The following HNRNPDL variants were observed in gnomAD, a reference collection of about 807,000 sequenced individuals.
The protein encoded by HNRNPDL is heterogeneous nuclear ribonucleoprotein D-like.
A neutral mutation model predicts 48.0 loss-of-function variants in HNRNPDL; 18 were observed. The ratio of observed to expected loss-of-function variants is 0.38; its 90% confidence interval spans 0.26 to 0.56. The LOEUF is 0.56. Ranked by LOEUF, HNRNPDL falls within the 20% of genes least tolerant of loss-of-function variation. HNRNPDL has a pLI of 0.77. For missense variants in HNRNPDL, 553 were observed against 540.7 expected (o/e 1.02, Z -0.23); for synonymous variants, 306 against 207.3 (o/e 1.48, Z -4.09).
chr4:82,429,747 AGAG>A lies in HNRNPDL; in HGVS notation c.-60_-58del. On this transcript the variant is annotated 5_prime_UTR_variant, in exon 1 of 8. Transcript: ENST00000295470. Reference sequence around the variant, plus strand: ...CGTGAGGGGACGCGGGCTTGGGAGAAGAGAAGAATCAGAAGAGAAAAACGAAGG... The same window carrying A: ...CGTGAGGGGACGCGGGCTTGGGAGAAAAGAATCAGAAGAGAAAAACGAAGG... 7.9e-7 allele frequency: 1 copy of A among 1,268,476 alleles called. No individual in the cohort carries two copies. Among genetic ancestry groups the A allele is most frequent in the Non-Finnish European group, 1.0e-6 (1 of 991,398 alleles). The allele number at this position is 1,268,476 out of a possible 1,614,324, so 78.6% of individuals were successfully genotyped here. A position where few individuals can be genotyped will look rare whatever the true frequency, so the allele number is the denominator to read the frequency against.
chr4:82,427,081 G>A (rs201365369), intron 5 of HNRNPDL, 109 bp downstream of exon 5: 76 of 808,744 alleles, frequency 9.4e-5, no homozygotes, highest in East Asian at 5.9e-4. Flanking sequence ...TCCCCCCTCC[G>A]CTGGAATGGT....
In HNRNPDL at chr4:82,429,186, A is replaced by G; in HGVS notation, c.443+62T>C. On this transcript the variant is annotated intron_variant, in intron 1 of 7. Coordinates refer to ENST00000295470, the MANE Select transcript of HNRNPDL (RefSeq NM_031372.4). ...GAATGGGGGCAGCGCGCGGCTCACGAGGAACGAAGGGCGCGTGCGGCGCGC... is the reference window on the plus strand; with the variant it reads ...GAATGGGGGCAGCGCGCGGCTCACGGGGAACGAAGGGCGCGTGCGGCGCGC... 4.7e-6 allele frequency: 7 copies of G among 1,480,092 alleles called. No individual in the cohort carries two copies. In the South Asian group the frequency reaches 6.8e-5, roughly 14 times the overall value. The allele number at this position is 1,480,092 out of a possible 1,614,324, so 91.7% of individuals were successfully genotyped here.
intron 7 of HNRNPDL, chr4:82,425,221 A>C (rs1292490201): frequency 1.3e-5 from 2 of 152,244 alleles, no homozygotes; most frequent in Non-Finnish European, 2.9e-5. Flanking sequence ...TTATTACAAG[A>C]ACATAAATTG....
chr4:82,426,380 TACAC>T, intron 6 of HNRNPDL, 79 bp downstream of exon 6: 1 of 1,262,556 alleles, frequency 7.9e-7, no homozygotes, highest in Non-Finnish European at 1.1e-6. Context: ...GGAAAGCCCA[TACAC>T]ACAATTTCAG....
rs1721337448 is a variant in HNRNPDL, at chr4:82,424,564, A to AATTATTGCTTATTTT, written c.*327_*341dup. 2 of 151,724 alleles carry AATTATTGCTTATTTT rather than the reference A, an allele frequency of 1.3e-5. No individual in the cohort carries two copies. The highest frequency in any genetic ancestry group is 4.1e-4 in the South Asian group (2 of 4,822). 9.4% of individuals were successfully genotyped at this position (151,724 alleles called of 1,614,324 possible). Reference sequence around the variant, plus strand: ...TACTCTACAAAATCAACTGTGCCTTAATTATTGCTTATTTTAAATTACATT... The same window carrying AATTATTGCTTATTTT: ...TACTCTACAAAATCAACTGTGCCTTAATTATTGCTTATTTTATTATTGCTTATTTTAAATTACATT... On this transcript the variant is annotated 3_prime_UTR_variant, in exon 8 of 8. Coordinates refer to ENST00000295470, the MANE Select transcript of HNRNPDL (RefSeq NM_031372.4).
rs544135967 is a variant in HNRNPDL at position 82,424,054 on chromosome 4, G to A, written c.*852C>T. Reference sequence around the variant, plus strand: ...TATTTTGCCACTATTTTAATTTTTCGACCAAACTCATACCTTTCTACCAAA... The same window carrying A: ...TATTTTGCCACTATTTTAATTTTTCAACCAAACTCATACCTTTCTACCAAA... On this transcript the variant is annotated 3_prime_UTR_variant, in exon 8 of 8. Coordinates refer to ENST00000295470, the MANE Select transcript of HNRNPDL (RefSeq NM_031372.4). 1.1e-4 allele frequency: 17 copies of A among 152,090 alleles called. No individual in the cohort carries two copies. The highest frequency in any genetic ancestry group is 2.2e-4 in the African/African-American group (9 of 41,476). The allele number at this position is 152,090 out of a possible 1,614,324, so 9.4% of individuals were successfully genotyped here. A position where few individuals can be genotyped will look rare whatever the true frequency, so the allele number is the denominator to read the frequency against.
In HNRNPDL at chr4:82,427,233, A is replaced by C. The variant is rs1452012617; in HGVS notation, c.978T>G (p.Gly326=). The change falls in exon 5 of 8, where the codon GGT becomes GGG. Residue 326 remains glycine (G), a synonymous_variant. Transcript: ENST00000295470. ...TACCACCTCGTCCACCAGCTGCAGC[A>C]CCTCTTCCACCTTTTTGTTGTTGCT... is the stretch of plus-strand genomic sequence containing the variant. The part of the protein sequence containing the change: ...QQQQQQKGGR[G]AAAGGRGGTR... The C allele has an allele frequency of 1.2e-5, 20 of 1,613,942 alleles. No homozygotes were observed. Among genetic ancestry groups the C allele is most frequent in the Non-Finnish European group, 1.7e-5 (20 of 1,179,926 alleles).
At chr4:82,427,665 C>T in intron 3 of HNRNPDL, 101 bp from the exon 4 acceptor site, 4 of 1,074,416 alleles carry the variant, frequency 3.7e-6, no homozygotes, top group Non-Finnish European at 5.6e-6. Context: ...ACATGTTATT[C>T]TTATCGGGTG....
chr4:82,424,042 TTTTAA>T lies in HNRNPDL; in HGVS notation c.*859_*863del, dbSNP rs980727092. 16 of 152,218 alleles carry T rather than the reference TTTTAA, an allele frequency of 1.1e-4. No homozygotes were observed. The highest frequency in any genetic ancestry group is 2.2e-4 in the Non-Finnish European group (15 of 68,034). The allele number at this position is 152,218 out of a possible 1,614,324, so 9.4% of individuals were successfully genotyped here. ...ACAACTAAATCTTATTTTGCCACTATTTTAATTTTTCGACCAAACTCATACCTTTC... is the reference window on the plus strand; with the variant it reads ...ACAACTAAATCTTATTTTGCCACTATTTTTTCGACCAAACTCATACCTTTC... On this transcript the variant is annotated 3_prime_UTR_variant, in exon 8 of 8. Coordinates refer to ENST00000295470, the MANE Select transcript of HNRNPDL (RefSeq NM_031372.4).
rs1325582656 is a variant in HNRNPDL at position 82,424,168 on chromosome 4, G to C, written c.*738C>G. 2.0e-5 allele frequency: 3 copies of C among 152,130 alleles called. No homozygotes were observed. The South Asian group carries it at 6.2e-4, about 31-fold the overall frequency. 9.4% of individuals were successfully genotyped at this position (152,130 alleles called of 1,614,324 possible). The stretch of plus-strand genomic sequence containing the variant: ...CCTTTTGTATCTGAACTTTTATCAA[G>C]AATTACTCATTGTGTTATGATTACA... On this transcript the variant is annotated 3_prime_UTR_variant, in exon 8 of 8. Coordinates refer to ENST00000295470, the MANE Select transcript of HNRNPDL (RefSeq NM_031372.4).
chr4:82,425,911 G>A (rs1721386966), intron 7 of HNRNPDL, 126 bp downstream of exon 7: 2 of 645,210 alleles, frequency 3.1e-6, no homozygotes, highest in Non-Finnish European at 5.4e-6. Context: ...GGCTCATAAA[G>A]CAATTAAAAA....
Position 82,429,670 on chromosome 4 carries a change from A to C in HNRNPDL, c.21T>G (p.Leu7=). 7.3e-7 allele frequency: 1 copy of C among 1,362,850 alleles called. No homozygotes were observed. Among genetic ancestry groups the C allele is most frequent in the Non-Finnish European group, 9.4e-7 (1 of 1,059,058 alleles). The allele number at this position is 1,362,850 out of a possible 1,614,324, so 84.4% of individuals were successfully genotyped here. A position where few individuals can be genotyped will look rare whatever the true frequency, so the allele number is the denominator to read the frequency against. The part of the protein sequence containing the change: MEVPPR[L]SHVPPPLFPS... ...GGAACAATGGCGGCGGCACATGGGA[A>C]AGCCTGGGCGGGACCTCCATCGCGG... Residue 7 remains leucine, a synonymous_variant, in exon 1 of 8, where the codon CTT becomes CTG. Transcript: ENST00000295470.
rs781241362 is a variant in HNRNPDL at position 82,429,340 on chromosome 4, G to C, written c.351C>G (p.Ser117=). The change falls in exon 1 of 8, where the codon TCC becomes TCG. Residue 117 remains serine, a synonymous_variant. Coordinates refer to ENST00000295470, the MANE Select transcript of HNRNPDL (RefSeq NM_031372.4). ...ACTCGTTCATATCCTCCATAGTGAC[G>C]GAGCTGTCGGCAGGGGGGTGCTGGC... ...TARQHPPADS[S]VTMEDMNEYS... is the part of the protein sequence containing the mutation. 3 of 1,613,858 alleles carry C rather than the reference G, an allele frequency of 1.9e-6. No homozygotes were observed. In the South Asian group the frequency reaches 3.3e-5, roughly 18 times the overall value.
Position 82,427,174 on chromosome 4 carries a change from A to C in HNRNPDL, c.1021+16T>G, listed in dbSNP as rs201947429. 2.5e-4 allele frequency: 373 copies of C among 1,502,862 alleles called. 1 individual carries two copies. The highest frequency in any genetic ancestry group is 1.5e-5 in the Non-Finnish European group (16 of 1,078,816). 93.1% of individuals were successfully genotyped at this position (1,502,862 alleles called of 1,614,324 possible). Reference sequence around the variant, plus strand: ...TAAATAAACCACGGAGTCATATTTCAAGAATTAAGTCTCACCTCGGCCACG... The same window carrying C: ...TAAATAAACCACGGAGTCATATTTCCAGAATTAAGTCTCACCTCGGCCACG... On this transcript the variant is annotated intron_variant, in intron 5 of 7. Coordinates refer to ENST00000295470, the MANE Select transcript of HNRNPDL (RefSeq NM_031372.4).
In HNRNPDL at chr4:82,430,001, C is replaced by G. The variant is rs1721652620; in HGVS notation, c.-311G>C. ...CTGCTCCGGAAAAAGGCGGACTGCGCCCGGCGCTGGCGACTGAGGCGGCGA... is the reference window on the plus strand; with the variant it reads ...CTGCTCCGGAAAAAGGCGGACTGCGGCCGGCGCTGGCGACTGAGGCGGCGA... On this transcript the variant is annotated 5_prime_UTR_variant, in exon 1 of 8. Transcript: ENST00000295470. The G allele has an allele frequency of 4.5e-6, 1 of 220,718 alleles. No individual in the cohort carries two copies. The highest frequency in any genetic ancestry group is 8.8e-6 in the Non-Finnish European group (1 of 113,144). 13.7% of individuals were successfully genotyped at this position (220,718 alleles called of 1,614,324 possible). A position where few individuals can be genotyped will look rare whatever the true frequency, so the allele number is the denominator to read the frequency against.
At chr4:82,427,942 G>A (rs2110029248) in intron 3 of HNRNPDL, 76 bp downstream of exon 3, 2 of 1,370,378 alleles carry the variant, frequency 1.5e-6, no homozygotes, top group Non-Finnish European at 1.0e-6. Context: ...ACATGAATCT[G>A]CCCTGCATAA....
chr4:82,427,903 GCAGT>G (rs1218159054), intron 3 of HNRNPDL, 111 bp downstream of exon 3: 36 of 1,005,924 alleles, frequency 3.6e-5, no homozygotes, highest in Non-Finnish European at 5.1e-5. Flanking sequence ...AGCGACTTGA[GCAGT>G]CATTTAATTC....
rs572848899 is a variant in HNRNPDL, at chr4:82,429,221, G to A, written c.443+27C>T. The A allele has an allele frequency of 4.5e-5, 72 of 1,606,370 alleles. 1 individual carries two copies. In the South Asian group the frequency reaches 7.1e-4, roughly 16 times the overall value. ...GGCGCGTGCGGCGCGCTGGGGGAGG[G>A]GGAGCGGGGGAAGAAGCGTGCGGTA... On this transcript the variant is annotated intron_variant, in intron 1 of 7. Transcript: ENST00000295470.
intron 5 of HNRNPDL, 63 bp from the exon 6 acceptor site, chr4:82,426,696 A>T (rs1721425783): frequency 7.4e-7 from 1 of 1,350,164 alleles, no homozygotes; most frequent in African/African-American, 1.4e-5. Context: ...ACATAAAATG[A>T]TGCGTTCTTG....
Sources: gnomAD v4.1 joint callset for allele counts on GRCh38, gnomAD v4.1.1 for gene constraint, MANE v1.5 for transcripts, NCBI Gene and HGNC (gene_info 2026-07-23, HGNC 2026-07-21) for gene names.